Variants in SLC37A3 observed in about 807,000 individuals in gnomAD.
SLC37A3 encodes the protein solute carrier family 37 member 3.
In SLC37A3, 51 loss-of-function variants were observed where a neutral mutation model predicts 67.1. The observed-to-expected ratio is 0.76, with a 90% CI of 0.61 to 0.96. SLC37A3 has a LOEUF of 0.96. Among genes scored for constraint, SLC37A3 ranks in the 40% least tolerant of loss-of-function variants. The pLI, the probability that SLC37A3 is intolerant of heterozygous loss-of-function variation, is 0.00. For missense variants in SLC37A3, 508 were observed against 603.0 expected (o/e 0.84, Z 1.65); for synonymous variants, 214 against 231.4 (o/e 0.92, Z 0.68).
intron 1 of SLC37A3, among the ~76,000 whole-genome samples, chr7:140,383,699 C>T (rs952138594): frequency 3.3e-5 from 5 of 151,660 alleles, no homozygotes; most frequent in African/African-American, 1.2e-4. Flanking sequence ...ATTTTTGAGA[C>T]AGGGTCTCAC....
chr7:140,345,921 C>CG lies in SLC37A3; in HGVS notation c.1073dup (p.Val359GlyfsTer17). ...CCAGAAGCAGACTCAGGGCAAGAAC[C>CG]GGCGCTCTCTTCTGTAGTACATCAG... On this transcript the variant is annotated frameshift_variant, in exon 11 of 15. Transcript: ENST00000326232. LOFTEE classifies it high-confidence loss of function. 2 of 1,614,008 alleles carry CG rather than the reference C, an allele frequency of 1.2e-6. No homozygotes were observed. The highest frequency in any genetic ancestry group is 1.7e-6 in the Non-Finnish European group (2 of 1,180,004).
At chr7:140,387,186 C>T (rs1400092244) in intron 1 of SLC37A3, among the ~76,000 whole-genome samples, 1 of 151,936 alleles carries the variant, frequency 6.6e-6, no homozygotes, top group African/African-American at 2.4e-5. Context: ...CGGTAGGGCA[C>T]AGTGGCTCAC....
At chr7:140,361,944 G>C (rs532120563) in intron 5 of SLC37A3, among the ~76,000 whole-genome samples, 2 of 143,886 alleles carry the variant, frequency 1.4e-5, no homozygotes, top group South Asian at 4.8e-4. Flanking sequence ...CCAAAGTGCC[G>C]AGATTGCAGC....
chr7:140,354,820 C>A (rs1322845987), intron 7 of SLC37A3, among the ~76,000 whole-genome samples: 1 of 149,750 alleles, frequency 6.7e-6, no homozygotes, highest in Non-Finnish European at 1.5e-5. Context: ...GCTCACTGTA[C>A]CCTCCAGCTC....
chr7:140,384,041 A>G (rs1798354249), intron 1 of SLC37A3, among the ~76,000 whole-genome samples: 1 of 152,154 alleles, frequency 6.6e-6, no homozygotes, highest in Non-Finnish European at 1.5e-5. Context: ...ATCCAAGAAC[A>G]ATTACGCATA....
rs187069242 is a variant in SLC37A3, at chr7:140,359,033, T to C, written c.376-248A>G. Among the ~76,000 whole-genome samples the C allele has an allele frequency of 2.2e-4, 33 of 152,210 alleles. No individual in the cohort carries two copies. The East Asian group carries it at 4.1e-3, about 19-fold the overall frequency. ...CATAAAGTCATTAAGCTATCAGCCC[T>C]CCAACTGACATCTTCAAGGCTAAAA... is the stretch of plus-strand genomic sequence containing the variant. On this transcript the variant is annotated intron_variant, in intron 5 of 14. Transcript: ENST00000326232.
In SLC37A3 at chr7:140,348,746, A is replaced by G. The variant is rs967941046; in HGVS notation, c.904T>C (p.Leu302=). The G allele has an allele frequency of 6.2e-7, 1 of 1,614,202 alleles. No individual in the cohort carries two copies. Among genetic ancestry groups the G allele is most frequent in the Admixed American group, 1.7e-5 (1 of 60,010 alleles). The change falls in exon 10 of 15, where the codon TTG becomes CTG. Residue 302 remains leucine, a synonymous_variant. Coordinates refer to ENST00000326232, the MANE Select transcript of SLC37A3 (RefSeq NM_207113.3). ...VIPYSLAYAC[L]KLVNYSFFFW... ...AAGAAGGAGTAATTCACTAACTTCAAGCAGGCGTAGGCCAGTGAGTACTAC... is the reference window on the plus strand; with the variant it reads ...AAGAAGGAGTAATTCACTAACTTCAGGCAGGCGTAGGCCAGTGAGTACTAC...
intron 4 of SLC37A3, among the ~76,000 whole-genome samples, chr7:140,367,130 T>TC (rs1466684165): frequency 1.0e-4 from 15 of 148,096 alleles, no homozygotes; most frequent in African/African-American, 3.8e-4. Context: ...ACAGCAAGAC[T>TC]CCATCTCAAA....
intron 1 of SLC37A3, among the ~76,000 whole-genome samples, chr7:140,387,668 A>G (rs1486191569): frequency 8.7e-6 from 1 of 115,194 alleles, no homozygotes; most frequent in Non-Finnish European, 1.7e-5. Context: ...AAATATAAAT[A>G]TATTATATAT....
Position 140,365,795 on chromosome 7 carries a change from G to C in SLC37A3, c.292-1304C>G, listed in dbSNP as rs188855418. On this transcript the variant is annotated intron_variant, in intron 4 of 14. Transcript: ENST00000326232. ...ATCATCAAGCTTCCTCATCTTAAGA[G>C]AAGCATGTCAGCCTTAAAGTAGATT... 8.5e-5 allele frequency among the ~76,000 whole-genome samples: 13 copies of C among 152,136 alleles called. No homozygotes were observed. In the East Asian group the frequency reaches 1.5e-3, roughly 18 times the overall value.
chr7:140,356,195 C>A (rs866646329), intron 6 of SLC37A3, among the ~76,000 whole-genome samples: 80 of 135,004 alleles, frequency 5.9e-4, no homozygotes, highest in African/African-American at 5.7e-4. Context: ...CTCCACCTCC[C>A]AAAAAAAAAA....
intron 14 of SLC37A3, among the ~76,000 whole-genome samples, chr7:140,336,645 T>C (rs1796141586): frequency 6.6e-6 from 1 of 152,164 alleles, no homozygotes; most frequent in Non-Finnish European, 1.5e-5. Context: ...TCAGAATTCC[T>C]ATATTATATT....
intron 5 of SLC37A3, among the ~76,000 whole-genome samples, chr7:140,362,381 C>T (rs1231121461): frequency 3.6e-5 from 5 of 139,822 alleles, no homozygotes; most frequent in Non-Finnish European, 7.8e-5. Context: ...AAGTGAGGAG[C>T]GTCTCCGCCC....
At chr7:140,371,882 C>T (rs1443601713) in intron 3 of SLC37A3, among the ~76,000 whole-genome samples, 3 of 151,492 alleles carry the variant, frequency 2.0e-5, no homozygotes, top group Non-Finnish European at 4.4e-5. Flanking sequence ...GACGGAGTCT[C>T]GCTCTGTTAC....
chr7:140,375,633 A>G (rs1208538738), intron 3 of SLC37A3, among the ~76,000 whole-genome samples: 1 of 152,224 alleles, frequency 6.6e-6, no homozygotes, highest in African/African-American at 2.4e-5. Context: ...GTGTGTGAAT[A>G]CTCAATAATC....
At chr7:140,368,152 T>C (rs1254316808) in intron 4 of SLC37A3, among the ~76,000 whole-genome samples, 2 of 151,580 alleles carry the variant, frequency 1.3e-5, no homozygotes, top group African/African-American at 4.8e-5. Flanking sequence ...ACCTGGCCCA[T>C]TCCTCACCCA....
intron 5 of SLC37A3, among the ~76,000 whole-genome samples, chr7:140,363,310 G>T (rs1178202753): frequency 6.7e-5 from 6 of 89,168 alleles, no homozygotes; most frequent in African/African-American, 2.5e-4. Flanking sequence ...TGTGTGGATA[G>T]AAGTAGACAT....
At chr7:140,337,141 G>A (rs1390540157) in intron 14 of SLC37A3, 143 bp downstream of exon 14, 2 of 299,254 alleles carry the variant, frequency 6.7e-6, no homozygotes, top group Non-Finnish European at 1.3e-5. Context: ...AGAAGAAGAT[G>A]TCTTTTAGAC....
intron 1 of SLC37A3, among the ~76,000 whole-genome samples, chr7:140,394,109 T>C (rs568260477): frequency 3.3e-5 from 5 of 152,090 alleles, no homozygotes; most frequent in African/African-American, 9.6e-5. Context: ...AGGTGGAGAC[T>C]GAAGTGAGCC....
Sources: allele counts gnomAD v4.1 joint callset (sites outside exome capture counted in the v4.1 genomes callset), GRCh38; gene constraint gnomAD v4.1.1; transcripts MANE v1.5; gene names NCBI Gene and HGNC (gene_info 2026-07-23, HGNC 2026-07-21).